Variants in SLC25A42 observed in about 807,000 individuals in gnomAD.
The protein encoded by SLC25A42 is solute carrier family 25 member 42, also known as mitochondrial coenzyme A transporter SLC25A42.
Under a neutral mutation model 34.7 loss-of-function variants are expected in SLC25A42, and 19 were observed. That is an observed-to-expected ratio of 0.55 (90% CI 0.38 to 0.80). The LOEUF is 0.80. Ranked by LOEUF, SLC25A42 falls within the 30% of genes least tolerant of loss-of-function variation. The probability of loss-of-function intolerance (pLI) is 0.00; values close to 1 mark genes in which losing one functional copy is unlikely to be tolerated. For synonymous variants in SLC25A42, 205 were observed against 191.2 expected (o/e 1.07, Z -0.59); for missense variants, 364 against 441.3 (o/e 0.82, Z 1.57).
At chr19:19,101,161 G>A (rs1453008138) in intron 2 of SLC25A42, among the ~76,000 whole-genome samples, 1 of 152,148 alleles carries the variant, frequency 6.6e-6, no homozygotes, top group African/African-American at 2.4e-5. Flanking sequence ...GGGGGAGCAG[G>A]GGACTTGGGC....
At chr19:19,084,057 T>C (rs1443291911) in intron 1 of SLC25A42, among the ~76,000 whole-genome samples, 7 of 58,234 alleles carry the variant, frequency 1.2e-4, no homozygotes, top group African/African-American at 1.4e-4. Flanking sequence ...CACACCTGAC[T>C]GCACCCCACC....
intron 7 of SLC25A42, 26 bp downstream of exon 7, chr19:19,108,071 G>A: frequency 3.9e-6 from 6 of 1,532,084 alleles, no homozygotes; most frequent in Non-Finnish European, 5.3e-6. Context: ...AGCATGAGGA[G>A]GGGACGTTCA....
rs1037729944 is a variant in SLC25A42 at position 19,105,716 on chromosome 19, C to T, written c.369C>T (p.Gly123=). 5.7e-6 allele frequency: 9 copies of T among 1,584,048 alleles called. No individual in the cohort carries two copies. In the African/African-American group the frequency reaches 8.1e-5, roughly 14 times the overall value. Residue 123 remains glycine, a synonymous_variant, in exon 5 of 8, where the codon GGC becomes GGT. Transcript: ENST00000318596. ...AGCGCATCCTGGGCAGCTACTATGG[C>T]TTCCGTGGAGAGTGAGGCCCCGCCC... ...EYKRILGSYY[G]FRGEALPPWP...
At chr19:19,086,132 C>T (rs1227092563) in intron 1 of SLC25A42, among the ~76,000 whole-genome samples, 2 of 152,178 alleles carry the variant, frequency 1.3e-5, no homozygotes, top group East Asian at 1.9e-4. Context: ...TGGTTTTCTC[C>T]AGGCTTTCTT....
chr19:19,070,028 C>G (rs1215980015), intron 1 of SLC25A42, among the ~76,000 whole-genome samples: 1 of 152,044 alleles, frequency 6.6e-6, no homozygotes, highest in Non-Finnish European at 1.5e-5. Context: ...GAGTCTTGCT[C>G]TATCGCCCAG....
rs1181389928 is a variant in SLC25A42 at position 19,111,032 on chromosome 19, C to T, written c.*156C>T. 1 of 798,894 alleles carries T rather than the reference C, an allele frequency of 1.3e-6. No homozygotes were observed. Among genetic ancestry groups the T allele is most frequent in the Non-Finnish European group, 1.9e-6 (1 of 514,296 alleles). The allele number at this position is 798,894 out of a possible 1,614,324, so 49.5% of individuals were successfully genotyped here. ...GCCTGAGGGGCCTGGGCTCAGAGTC[C>T]ACGTCCAAACGCAAAGCTGGCAGCC... On this transcript the variant is annotated 3_prime_UTR_variant, in exon 8 of 8. Transcript: ENST00000318596.
intron 3 of SLC25A42, among the ~76,000 whole-genome samples, chr19:19,103,326 C>T (rs2059808332): frequency 6.6e-6 from 1 of 152,160 alleles, no homozygotes; most frequent in African/African-American, 2.4e-5. Context: ...AATTCCTAGC[C>T]TCAAGTGATC....
intron 1 of SLC25A42, among the ~76,000 whole-genome samples, chr19:19,083,723 G>A (rs2059692260): frequency 6.6e-6 from 1 of 152,166 alleles, no homozygotes; most frequent in Admixed American, 6.5e-5. Context: ...CAGAGGTACA[G>A]CCTGGGCAAG....
At position 19,110,712 on chromosome 19, in the gene SLC25A42, GC is replaced by G. The variant is rs1568527288; in HGVS notation, c.795del (p.Ser266ProfsTer23). 1 of 1,600,526 alleles carries G rather than the reference GC, an allele frequency of 6.2e-7. No individual in the cohort carries two copies. Among genetic ancestry groups the G allele is most frequent in the South Asian group, 1.1e-5 (1 of 89,844 alleles). On this transcript the variant is annotated frameshift_variant, in exon 8 of 8. Transcript: ENST00000318596. LOFTEE classifies it high-confidence loss of function. ...GGCCGGCGTCACGGGCTACCCGCGC[GC>G]CTCCATCGCCCGCACGCTGCGCACC... ...QTAGVTGYPR[A>X]SIARTLRTIV... is the part of the protein sequence containing the mutation.
At chr19:19,082,250 G>C (rs1441898373) in intron 1 of SLC25A42, among the ~76,000 whole-genome samples, 1 of 152,206 alleles carries the variant, frequency 6.6e-6, no homozygotes, top group Non-Finnish European at 1.5e-5. Context: ...GGCTCAGGAA[G>C]AGAATCTGTG....
Position 19,073,898 on chromosome 19 carries a change from G to A in SLC25A42, c.-35+9783G>A, listed in dbSNP as rs185559543. Among the ~76,000 whole-genome samples, 745 of 152,262 alleles carry A rather than the reference G, an allele frequency of 4.9e-3. 9 individuals are homozygous for A. Among genetic ancestry groups the A allele is most frequent in the Middle Eastern group, 0.02 (6 of 294 alleles). The stretch of plus-strand genomic sequence containing the variant: ...TAATTTTTGTATTTTTGTAGAGACA[G>A]GGTTTTACCATGTTGCCCAGGCTGG... On this transcript the variant is annotated intron_variant, in intron 1 of 7. Transcript: ENST00000318596.
chr19:19,078,661 T>C (rs896822084), intron 1 of SLC25A42, among the ~76,000 whole-genome samples: 1 of 151,910 alleles, frequency 6.6e-6, no homozygotes, highest in African/African-American at 2.4e-5. Context: ...AGTAACCTAG[T>C]AGGGAGGGAA....
intron 1 of SLC25A42, among the ~76,000 whole-genome samples, chr19:19,064,842 C>T (rs748348110): frequency 5.9e-5 from 9 of 152,072 alleles, no homozygotes; most frequent in Non-Finnish European, 1.2e-4. Flanking sequence ...CTCAGGATCG[C>T]TGCACCCTCC....
Position 19,105,597 on chromosome 19 carries a change from G to A in SLC25A42, c.250G>A (p.Glu84Lys), listed in dbSNP as rs2059821687. 12 of 1,613,886 alleles carry A rather than the reference G, an allele frequency of 7.4e-6. No homozygotes were observed. The highest frequency in any genetic ancestry group is 1.7e-5 in the Admixed American group (1 of 59,976). The change falls in exon 5 of 8, where the codon GAG becomes AAG. Residue 84 changes from glutamate (E) to lysine (K), a missense_variant. Glu to Lys is a moderately conservative substitution (Grantham distance 56). Transcript: ENST00000318596. ...FRVLYYTYLN[E>K]GFLSLWRGNS... ...GGTCCTCTACTACACCTACCTCAAC[G>A]AGGGATTTCTCAGCTTGTGGCGCGG...
chr19:19,097,901 G>T (rs1200065206), intron 2 of SLC25A42, among the ~76,000 whole-genome samples: 1 of 151,914 alleles, frequency 6.6e-6, no homozygotes, highest in Non-Finnish European at 1.5e-5. Context: ...AGGTGGAGGT[G>T]GCAGTGAGCT....
At chr19:19,104,105 G>A (rs548938050) in intron 3 of SLC25A42, among the ~76,000 whole-genome samples, 4 of 151,980 alleles carry the variant, frequency 2.6e-5, no homozygotes, top group East Asian at 1.9e-4. Flanking sequence ...TAGAGTCAGC[G>A]TTTCACCATG....
intron 1 of SLC25A42, among the ~76,000 whole-genome samples, chr19:19,086,203 TGA>T (rs2059707803): frequency 6.6e-6 from 1 of 151,842 alleles, no homozygotes; most frequent in Non-Finnish European, 1.5e-5. Flanking sequence ...TGCAGTGGCA[TGA>T]TCACTGCAAC....
At chr19:19,088,061 G>A (rs1229792336) in intron 1 of SLC25A42, among the ~76,000 whole-genome samples, 1 of 152,194 alleles carries the variant, frequency 6.6e-6, no homozygotes, top group East Asian at 1.9e-4. Flanking sequence ...TCCGGAGCTG[G>A]TTGCTGCACA....
chr19:19,105,481 T>G (rs1568523835), intron 4 of SLC25A42, 80 bp from the exon 5 acceptor site: 1 of 1,536,164 alleles, frequency 6.5e-7, no homozygotes, highest in Non-Finnish European at 8.8e-7. Flanking sequence ...CTCCGCACTT[T>G]GGGCGCTCTG....
Sources: gnomAD v4.1 joint callset for allele counts (sites outside exome capture counted in the v4.1 genomes callset) on GRCh38, gnomAD v4.1.1 for gene constraint, MANE v1.5 for transcripts, NCBI Gene and HGNC (gene_info 2026-07-23, HGNC 2026-07-21) for gene names.